LIF: variants seen among roughly 807,000 people sequenced by gnomAD.
LIF encodes the protein LIF interleukin 6 family cytokine.
A neutral mutation model predicts 15.0 loss-of-function variants in LIF; 9 were observed. The observed-to-expected ratio is 0.60, with a 90% CI of 0.36 to 1.04. LIF has a LOEUF of 1.04. Among genes scored for constraint, LIF ranks in the 50% least tolerant of loss-of-function variants. The pLI is 0.01. For synonymous variants in LIF, 122 were observed against 119.7 expected (o/e 1.02, Z -0.13); for missense variants, 240 against 266.7 (o/e 0.90, Z 0.70).
chr22:30,246,626 G>A, intron 1 of LIF, 51 bp downstream of exon 1: 2 of 1,538,584 alleles, frequency 1.3e-6, no homozygotes, highest in Non-Finnish European at 1.8e-6. Context: ...CCAAGTTGCC[G>A]CCGCGCCCCG....
Position 30,243,878 on chromosome 22 carries a change from G to A in LIF, c.382C>T (p.Pro128Ser). ...TTGCTGTGGAGGCTGAGGGCACTGG[G>A]GTTGAGGATCTTCTGGTCCCGGGTG... ...NITRDQKILN[P>S]SALSLHSKLN... The change falls in exon 3 of 3, where the codon CCC (proline) becomes TCC (serine). Residue 128 changes from proline (P) to serine (S), a missense_variant. Coordinates refer to ENST00000249075, the MANE Select transcript of LIF (RefSeq NM_002309.5). The surrounding 1 kb of genome is among the most constrained non-coding windows in gnomAD (Gnocchi z 6.0). 1.2e-6 allele frequency: 2 copies of A among 1,614,254 alleles called. 1 individual carries two copies. Among genetic ancestry groups the A allele is most frequent in the East Asian group, 4.5e-5 (2 of 44,890 alleles).
In LIF at chr22:30,241,604, T is replaced by C. The variant is rs1189285589; in HGVS notation, c.*2047A>G. On this transcript the variant is annotated 3_prime_UTR_variant, in exon 3 of 3. Transcript: ENST00000249075. The surrounding 1 kb of genome is among the most constrained non-coding windows in gnomAD (Gnocchi z 4.4). ...GTGCTTAGAGAGCGACAGGGAAAGGTGCAAAGTGAGTGAAAAGTACCATAA... is the reference window on the plus strand; with the variant it reads ...GTGCTTAGAGAGCGACAGGGAAAGGCGCAAAGTGAGTGAAAAGTACCATAA... The C allele has an allele frequency of 6.5e-6, 1 of 152,860 alleles. No homozygotes were observed. 9.5% of individuals were successfully genotyped at this position (152,860 alleles called of 1,614,324 possible).
intron 1 of LIF, chr22:30,246,456 C>T: frequency 2.5e-6 from 3 of 1,212,480 alleles, no homozygotes; most frequent in Non-Finnish European, 3.1e-6. Context: ...GCTCGGCGCC[C>T]CCTCCCTCGC....
chr22:30,245,823 G>A (rs1384271166), intron 1 of LIF, among the ~76,000 whole-genome samples: 1 of 152,186 alleles, frequency 6.6e-6, no homozygotes, highest in Admixed American at 6.5e-5. Flanking sequence ...ATAGGCAGTC[G>A]GGTGGGCGGG....
intron 2 of LIF, among the ~76,000 whole-genome samples, chr22:30,244,483 C>T (rs1478824525): frequency 1.3e-5 from 2 of 152,178 alleles, no homozygotes; most frequent in Non-Finnish European, 2.9e-5. Flanking sequence ...CCATCCCTCG[C>T]TCCCTGCAGC....
rs952330806 is a variant in LIF, at chr22:30,240,649, G to A, written c.*3002C>T. 1 of 152,676 alleles carries A rather than the reference G, an allele frequency of 6.5e-6. No individual in the cohort carries two copies. The highest frequency in any genetic ancestry group is 1.5e-5 in the Non-Finnish European group (1 of 68,046). 9.5% of individuals were successfully genotyped at this position (152,676 alleles called of 1,614,324 possible). A position where few individuals can be genotyped will look rare whatever the true frequency, so the allele number is the denominator to read the frequency against. On this transcript the variant is annotated 3_prime_UTR_variant, in exon 3 of 3. Transcript: ENST00000249075. ...TGTGCTTTTCAGTGGAAAGGAAGGA[G>A]GGAAACCTCTAAGGCCGCACGGTGG...
chr22:30,246,364 G>A, intron 1 of LIF: 1 of 626,464 alleles, frequency 1.6e-6, no homozygotes, highest in Admixed American at 5.0e-5. Flanking sequence ...AGAAAGCGCA[G>A]AGGGAAGAGC....
Position 30,244,891 on chromosome 22 carries a change from G to A in LIF, c.62C>T (p.Ala21Val), listed in dbSNP as rs759937959. 39 of 1,614,032 alleles carry A rather than the reference G, an allele frequency of 2.4e-5. No homozygotes were observed. Among genetic ancestry groups the A allele is most frequent in the East Asian group, 2.2e-4 (10 of 44,878 alleles). Residue 21 changes from alanine (A) to valine (V), a missense_variant, in exon 2 of 3, where the codon GCG becomes GTG. By Grantham distance (64) the Ala-to-Val change is moderately conservative (BLOSUM62 0). Coordinates refer to ENST00000249075, the MANE Select transcript of LIF (RefSeq NM_002309.5). ...AGGGGTGATGGGGAGGGGGCTCCCC[G>A]CCCCATGTTTCCAGTGCAGAACCAA... ...LLLVLHWKHG[A>V]GSPLPITPVN...
intron 1 of LIF, chr22:30,246,370 A>C: frequency 3.0e-6 from 2 of 670,708 alleles, no homozygotes; most frequent in Non-Finnish European, 2.0e-6. Context: ...CGCAGAGGGA[A>C]GAGCAGCCAG....
In LIF at chr22:30,243,780, G is replaced by A. The variant is rs1180378029; in HGVS notation, c.480C>T (p.His160=). 6 of 1,614,130 alleles carry A rather than the reference G, an allele frequency of 3.7e-6. No individual in the cohort carries two copies. The highest frequency in any genetic ancestry group is 2.2e-5 in the East Asian group (1 of 44,906). ...CGTAGGTCACGTCCACATGGCCCAC[G>A]TGGTACTTGCTGCACAGGCGGCACA... ...NVLCRLCSKY[H]VGHVDVTYGP... The change falls in exon 3 of 3, where the codon CAC becomes CAT. Residue 160 remains histidine, a synonymous_variant. Coordinates refer to ENST00000249075, the MANE Select transcript of LIF (RefSeq NM_002309.5). The surrounding 1 kb of genome is among the most constrained non-coding windows in gnomAD (Gnocchi z 6.0).
chr22:30,246,589 G>T (rs567061474), intron 1 of LIF, 88 bp downstream of exon 1: 1 of 1,501,932 alleles, frequency 6.7e-7, no homozygotes, highest in Admixed American at 2.2e-5. Flanking sequence ...GCGGCGGGTG[G>T]GCGTCCGGCT....
At chr22:30,245,760 G>T (rs764487898) in intron 1 of LIF, among the ~76,000 whole-genome samples, 17 of 152,116 alleles carry the variant, frequency 1.1e-4, no homozygotes, top group Non-Finnish European at 2.2e-4. Context: ...ACACACACCG[G>T]CTCAGGGAGG....
In LIF at chr22:30,240,739, A is replaced by G. The variant is rs1677712107; in HGVS notation, c.*2912T>C. On this transcript the variant is annotated 3_prime_UTR_variant, in exon 3 of 3. Transcript: ENST00000249075. ...TGCCGGGATTGAGGTGGGGAACTAG[A>G]GATGACTCTAAGGCAGGAACATCTG... is the stretch of plus-strand genomic sequence containing the variant. 1 of 152,500 alleles carries G rather than the reference A, an allele frequency of 6.6e-6. No homozygotes were observed. Among genetic ancestry groups the G allele is most frequent in the Non-Finnish European group, 1.5e-5 (1 of 68,038 alleles). 9.4% of individuals were successfully genotyped at this position (152,500 alleles called of 1,614,324 possible).
rs1601639959 is a variant in LIF at position 30,241,627 on chromosome 22, T to C, written c.*2024A>G. On this transcript the variant is annotated 3_prime_UTR_variant, in exon 3 of 3. Transcript: ENST00000249075. This position sits in a 1 kb window ranked among gnomAD's most constrained non-coding sequence, Gnocchi z 4.4. ...GGTGCAAAGTGAGTGAAAAGTACCA[T>C]AATTAGTACCATCATCTTGTCGGAG... is the stretch of plus-strand genomic sequence containing the variant. 6.5e-6 allele frequency: 1 copy of C among 152,854 alleles called. No individual in the cohort carries two copies. Among genetic ancestry groups the C allele is most frequent in the South Asian group, 2.1e-4 (1 of 4,826 alleles). 9.5% of individuals were successfully genotyped at this position (152,854 alleles called of 1,614,324 possible).
chr22:30,244,603 G>A (rs1415768954), intron 2 of LIF, 152 bp downstream of exon 2: 7 of 752,434 alleles, frequency 9.3e-6, no homozygotes, highest in South Asian at 1.6e-5. Flanking sequence ...GGCAGGAAGT[G>A]GCGGGAGTCT....
At position 30,243,741 on chromosome 22, in the gene LIF, C is replaced by T. The variant is rs1209736820; in HGVS notation, c.519G>A (p.Ser173=). The change falls in exon 3 of 3, where the codon TCG becomes TCA. Residue 173 remains serine, a synonymous_variant. Transcript: ENST00000249075. This position sits in a 1 kb window ranked among gnomAD's most constrained non-coding sequence, Gnocchi z 6.0. ...HVDVTYGPDT[S]GKDVFQKKKL... ...TCTTCTTCTGGAAGACATCCTTACC[C>T]GAGGTGTCAGGGCCGTAGGTCACGT... 6 of 1,614,260 alleles carry T rather than the reference C, an allele frequency of 3.7e-6. No homozygotes were observed. Among genetic ancestry groups the T allele is most frequent in the Non-Finnish European group, 5.1e-6 (6 of 1,180,052 alleles).
Position 30,243,617 on chromosome 22 carries a change from T to G in LIF, c.*34A>C, listed in dbSNP as rs751789107. 2 of 1,613,788 alleles carry G rather than the reference T, an allele frequency of 1.2e-6. No homozygotes were observed. The highest frequency in any genetic ancestry group is 2.2e-5 in the South Asian group (2 of 91,058). Reference sequence around the variant, plus strand: ...CCACATCTGGACCCAACTCCTGAGATCCCTCGGTTCACAGCACACTTCAAG... The same window carrying G: ...CCACATCTGGACCCAACTCCTGAGAGCCCTCGGTTCACAGCACACTTCAAG... On this transcript the variant is annotated 3_prime_UTR_variant, in exon 3 of 3. Coordinates refer to ENST00000249075, the MANE Select transcript of LIF (RefSeq NM_002309.5). This position sits in a 1 kb window ranked among gnomAD's most constrained non-coding sequence, Gnocchi z 6.0.
chr22:30,245,438 G>A (rs1928847612), intron 1 of LIF, among the ~76,000 whole-genome samples: 3 of 152,164 alleles, frequency 2.0e-5, no homozygotes, highest in Non-Finnish European at 4.4e-5. Flanking sequence ...TGGGGGCCAC[G>A]GGGCATGGGG....
intron 1 of LIF, among the ~76,000 whole-genome samples, chr22:30,245,526 C>T (rs1368511495): frequency 6.6e-6 from 1 of 152,056 alleles, no homozygotes; most frequent in Non-Finnish European, 1.5e-5. Context: ...GGGCCAATTG[C>T]CCCCAATTCT....
Sources: gnomAD v4.1 joint callset for allele counts (sites outside exome capture counted in the v4.1 genomes callset) on GRCh38, gnomAD v4.1.1 for gene constraint, Gnocchi (gnomAD v3.1) non-coding constraint, MANE v1.5 for transcripts, NCBI Gene and HGNC (gene_info 2026-07-23, HGNC 2026-07-21) for gene names.